LUZP2: variants seen among roughly 807,000 people sequenced by gnomAD.
LUZP2 encodes the protein leucine zipper protein 2.
Under a neutral mutation model 51.6 loss-of-function variants are expected in LUZP2, and 52 were observed. The ratio of observed to expected loss-of-function variants is 1.01; its 90% CI spans 0.81 to 1.27. LUZP2 has a LOEUF of 1.27. Ranked by LOEUF, LUZP2 falls within the 50% of genes most tolerant of loss-of-function variation. The pLI is 0.00. For missense variants in LUZP2, 436 were observed against 395.4 expected, an observed-to-expected ratio of 1.10 and a Z score of -0.87; for synonymous variants, 154 against 137.3, an observed-to-expected ratio of 1.12 and a Z score of -0.85.
chr11:24,861,897 A>G (rs1052474576), intron 5 of LUZP2, among the ~76,000 whole-genome samples: 1 of 152,190 alleles, frequency 6.6e-6, no homozygotes, highest in South Asian at 2.1e-4. Context: ...TCTGGTCAAC[A>G]TAAGTAAACA....
At chr11:24,616,411 C>T (rs754366395) in intron 1 of LUZP2, among the ~76,000 whole-genome samples, 18 of 150,288 alleles carry the variant, frequency 1.2e-4, no homozygotes, top group African/African-American at 2.7e-4. Context: ...GGCTTTAAGT[C>T]GACAATTTTT....
chr11:24,914,500 A>T lies in LUZP2; in HGVS notation c.484A>T (p.Lys162Ter). 6.2e-7 allele frequency: 1 copy of T among 1,609,808 alleles called. No homozygotes were observed. The highest frequency in any genetic ancestry group is 1.3e-5 in the African/African-American group (1 of 74,736). The change falls in exon 7 of 12, where the codon AAG becomes TAG. Residue 162 changes from lysine to a stop codon, truncating the protein, a stop_gained. Coordinates refer to ENST00000336930, the MANE Select transcript of LUZP2 (RefSeq NM_001009909.4). LOFTEE classifies it high-confidence loss of function. ...EESKKIQAQL[K>*]ELRYGKKDLL... ...GTCAAAAAAAATCCAAGCCCAGCTGAAGGAGCTTCGTTATGGGAAGAAGGA... is the reference window on the plus strand; with the variant it reads ...GTCAAAAAAAATCCAAGCCCAGCTGTAGGAGCTTCGTTATGGGAAGAAGGA...
At chr11:24,869,710 A>G (rs1221205087) in intron 5 of LUZP2, among the ~76,000 whole-genome samples, 1 of 152,152 alleles carries the variant, frequency 6.6e-6, no homozygotes, top group African/African-American at 2.4e-5. Flanking sequence ...ATGGCAAACA[A>G]TAAATAATGT....
chr11:25,047,516 C>T (rs1486576609), intron 9 of LUZP2, among the ~76,000 whole-genome samples: 1 of 151,892 alleles, frequency 6.6e-6, no homozygotes, highest in Non-Finnish European at 1.5e-5. Context: ...AATTGCCCTT[C>T]TTGCTAAAAA....
intron 1 of LUZP2, among the ~76,000 whole-genome samples, chr11:24,546,895 A>G (rs1031957042): frequency 1.3e-5 from 2 of 151,172 alleles, no homozygotes; most frequent in Non-Finnish European, 2.9e-5. Flanking sequence ...CTGTGAATCT[A>G]TCTGGTCCTG....
chr11:24,680,367 CT>C (rs1856694095), intron 1 of LUZP2, among the ~76,000 whole-genome samples: 1 of 152,148 alleles, frequency 6.6e-6, no homozygotes, highest in South Asian at 2.1e-4. Flanking sequence ...AAAGATTGCC[CT>C]AGGTCCTCTC....
intron 1 of LUZP2, among the ~76,000 whole-genome samples, chr11:24,603,216 G>A (rs547045260): frequency 1.1e-4 from 17 of 151,784 alleles, no homozygotes; most frequent in African/African-American, 3.9e-4. Flanking sequence ...GAAGTGGAGA[G>A]GCTATCAAGC....
At chr11:24,965,675 A>G (rs911589350) in intron 7 of LUZP2, among the ~76,000 whole-genome samples, 1 of 151,870 alleles carries the variant, frequency 6.6e-6, no homozygotes, top group Non-Finnish European at 1.5e-5. Flanking sequence ...TTTTTAATTA[A>G]TACCTACTGT....
intron 3 of LUZP2, among the ~76,000 whole-genome samples, chr11:24,734,805 A>G (rs1282437096): frequency 1.3e-5 from 2 of 151,944 alleles, no homozygotes; most frequent in Non-Finnish European, 2.9e-5. Context: ...AAATTTAAAC[A>G]TCTTCTCCGA....
At chr11:24,558,061 A>C (rs1564989501) in intron 1 of LUZP2, among the ~76,000 whole-genome samples, 1 of 152,128 alleles carries the variant, frequency 6.6e-6, no homozygotes, top group Non-Finnish European at 1.5e-5. Flanking sequence ...GGGAGTCAAG[A>C]GAACAAAAAA....
intron 7 of LUZP2, among the ~76,000 whole-genome samples, chr11:24,956,941 C>T (rs1368329330): frequency 1.3e-5 from 2 of 152,048 alleles, no homozygotes; most frequent in Non-Finnish European, 2.9e-5. Flanking sequence ...AATTAGAATA[C>T]AAACACCAAC....
At chr11:24,785,834 A>G in intron 5 of LUZP2, 1 of 984,158 alleles carries the variant, frequency 1.0e-6, no homozygotes, top group Non-Finnish European at 1.2e-6. Flanking sequence ...TCCAGGCTTC[A>G]AGAGGCTATG....
At chr11:24,809,664 T>C (rs12273293) in intron 5 of LUZP2, among the ~76,000 whole-genome samples, 2,446 of 152,224 alleles carry the variant, frequency 0.016, 71 homozygotes, top group African/African-American at 0.056. Context: ...TAAACCCTAA[T>C]TTAAAAAAAT....
chr11:25,024,090 C>G (rs2133978957), intron 9 of LUZP2, among the ~76,000 whole-genome samples: 1 of 152,164 alleles, frequency 6.6e-6, no homozygotes, highest in Middle Eastern at 3.4e-3. Flanking sequence ...CGATGTGGTG[C>G]TGAGAAGAAT....
intron 5 of LUZP2, among the ~76,000 whole-genome samples, chr11:24,812,844 C>A (rs887383483): frequency 2.6e-5 from 4 of 152,148 alleles, no homozygotes; most frequent in Non-Finnish European, 4.4e-5. Context: ...TGCTTTCATA[C>A]AGGCTCGCTA....
At chr11:24,810,224 T>C (rs571272985) in intron 5 of LUZP2, among the ~76,000 whole-genome samples, 2 of 152,274 alleles carry the variant, frequency 1.3e-5, no homozygotes, top group Non-Finnish European at 1.5e-5. Flanking sequence ...CACATATACA[T>C]ATATATGCAC....
At chr11:24,874,776 C>T (rs561717352) in intron 5 of LUZP2, among the ~76,000 whole-genome samples, 8 of 152,176 alleles carry the variant, frequency 5.3e-5, no homozygotes, top group East Asian at 1.9e-4. Flanking sequence ...TGCTAATTAA[C>T]GTTATTACTG....
chr11:25,030,798 C>T (rs558087238), intron 9 of LUZP2, among the ~76,000 whole-genome samples: 1 of 145,616 alleles, frequency 6.9e-6, no homozygotes, highest in Non-Finnish European at 1.5e-5. Flanking sequence ...GTATTATTTA[C>T]AAATTCTAAA....
intron 1 of LUZP2, among the ~76,000 whole-genome samples, chr11:24,660,716 TA>T (rs1855991447): frequency 6.6e-6 from 1 of 152,170 alleles, no homozygotes; most frequent in Non-Finnish European, 1.5e-5. Flanking sequence ...AACATTCGAT[TA>T]AGCAGAGTTA....
Sources: allele counts gnomAD v4.1 joint callset (sites outside exome capture counted in the v4.1 genomes callset), GRCh38; gene constraint gnomAD v4.1.1; transcripts MANE v1.5; gene names NCBI Gene and HGNC (gene_info 2026-07-23, HGNC 2026-07-21).